The following CCDC102A variants were observed in gnomAD, a reference collection of about 807,000 sequenced individuals.
CCDC102A encodes the protein coiled-coil domain-containing protein 102A.
In CCDC102A, 40 loss-of-function variants were observed where a neutral mutation model predicts 55.5. The observed-to-expected ratio is 0.72, with a 90% confidence interval of 0.56 to 0.94. The LOEUF is 0.94. Ranked by LOEUF, CCDC102A falls within the 40% of genes least tolerant of loss-of-function variation. The pLI is 0.00. For missense variants in CCDC102A, 779 were observed against 768.6 expected, an observed-to-expected ratio of 1.01 and a Z score of -0.16; for synonymous variants, 323 against 339.0, an observed-to-expected ratio of 0.95 and a Z score of 0.52.
In CCDC102A at chr16:57,518,660, T is replaced by C. The variant is rs2031998761; in HGVS notation, c.1003A>G (p.Ser335Gly). ...AGCTCGGCCATTTTCCGGTCCATGC[T>C]GGAGCGTGCACCGAGCTCATCTTCC... is the stretch of plus-strand genomic sequence containing the variant. ...DLEDELGARS[S>G]MDRKMAELRG... Residue 335 changes from serine to glycine, a missense_variant, in exon 5 of 9, where the codon AGC becomes GGC. Coordinates refer to ENST00000258214, the MANE Select transcript of CCDC102A (RefSeq NM_033212.4). The C allele has an allele frequency of 6.2e-7, 1 of 1,613,826 alleles. No individual in the cohort carries two copies. Among genetic ancestry groups the C allele is most frequent in the Non-Finnish European group, 8.5e-7 (1 of 1,179,980 alleles).
At position 57,535,386 on chromosome 16, in the gene CCDC102A, T is replaced by G. The variant is rs752890221; in HGVS notation, c.-148+1114A>C. On this transcript the variant is annotated intron_variant, in intron 1 of 8. Coordinates refer to ENST00000258214, the MANE Select transcript of CCDC102A (RefSeq NM_033212.4). The stretch of plus-strand genomic sequence containing the variant: ...AGCCTGGATCATTGATTTGAACTCC[T>G]TTCTTTACATATGGACCAACTGAGG... 3.3e-5 allele frequency among the ~76,000 whole-genome samples: 5 copies of G among 152,108 alleles called. No homozygotes were observed. The South Asian group carries it at 6.2e-4, about 19-fold the overall frequency.
At chr16:57,524,247 G>A (rs1171024130) in intron 3 of CCDC102A, among the ~76,000 whole-genome samples, 4 of 151,960 alleles carry the variant, frequency 2.6e-5, no homozygotes, top group African/African-American at 7.3e-5. Flanking sequence ...GGAGTGGAGT[G>A]GCCAGTGCTG....
At chr16:57,536,228 G>A (rs1014494452) in intron 1 of CCDC102A, among the ~76,000 whole-genome samples, 6 of 141,192 alleles carry the variant, frequency 4.2e-5, no homozygotes, top group African/African-American at 7.7e-5. Flanking sequence ...CGTCCGGCCC[G>A]GGCCGCGGCA....
intron 3 of CCDC102A, among the ~76,000 whole-genome samples, chr16:57,522,184 C>T (rs73545036): frequency 0.052 from 7,882 of 152,292 alleles, 638 homozygotes; most frequent in African/African-American, 0.17. Context: ...CTAACATACA[C>T]TGAATTTTCT....
chr16:57,516,475 A>C lies in CCDC102A; in HGVS notation c.1249-12T>G. On this transcript the variant is annotated splice_polypyrimidine_tract_variant and intron_variant, in intron 6 of 8. Coordinates refer to ENST00000258214, the MANE Select transcript of CCDC102A (RefSeq NM_033212.4). The surrounding 1 kb of genome is among the most constrained non-coding windows in gnomAD (Gnocchi z 4.4). ...AGGTCTGCCAGCTCCTACAGGGCAC[A>C]GGGATGGGGTGGGAGGGAGGAGGGA... is the stretch of plus-strand genomic sequence containing the variant. The C allele has an allele frequency of 1.1e-4, 120 of 1,126,732 alleles. No homozygotes were observed. The highest frequency in any genetic ancestry group is 1.4e-4 in the Non-Finnish European group (111 of 781,272). The allele number at this position is 1,126,732 out of a possible 1,614,324, so 69.8% of individuals were successfully genotyped here.
chr16:57,525,602 G>A (rs1169833694), intron 3 of CCDC102A, among the ~76,000 whole-genome samples: 2 of 152,098 alleles, frequency 1.3e-5, no homozygotes, highest in East Asian at 1.9e-4. Flanking sequence ...CCTGCCCACA[G>A]CCCTCTCCCC....
chr16:57,518,511 G>A (rs1342397371), intron 5 of CCDC102A, 114 bp downstream of exon 5: 1 of 913,316 alleles, frequency 1.1e-6, no homozygotes, highest in African/African-American at 1.6e-5. Context: ...GGATGTGGCT[G>A]GCCCCGCTCA....
intron 4 of CCDC102A, among the ~76,000 whole-genome samples, chr16:57,519,006 G>A (rs2032004255): frequency 6.6e-6 from 1 of 152,134 alleles, no homozygotes; most frequent in Non-Finnish European, 1.5e-5. Flanking sequence ...CAGCCCAGAG[G>A]GAGCTTTTAA....
At chr16:57,536,263 A>G (rs572656436) in intron 1 of CCDC102A, among the ~76,000 whole-genome samples, 2 of 118,276 alleles carry the variant, frequency 1.7e-5, no homozygotes, top group Non-Finnish European at 3.7e-5. Flanking sequence ...CCCCTCCCCC[A>G]TCACCCCGCG....
intron 3 of CCDC102A, among the ~76,000 whole-genome samples, chr16:57,522,064 C>A (rs567239087): frequency 6.6e-6 from 1 of 152,254 alleles, no homozygotes; most frequent in Non-Finnish European, 1.5e-5. Flanking sequence ...AGGATGCATC[C>A]TGCATCCTAC....
chr16:57,513,374 T>A (rs537474277), intron 8 of CCDC102A, among the ~76,000 whole-genome samples: 1 of 152,322 alleles, frequency 6.6e-6, no homozygotes, highest in East Asian at 1.9e-4. Context: ...TAAGAAGAGC[T>A]GGTGAAGGAA....
At chr16:57,521,014 T>C in intron 4 of CCDC102A, 54 bp downstream of exon 4, 2 of 1,143,060 alleles carry the variant, frequency 1.7e-6, no homozygotes, top group Non-Finnish European at 2.6e-6. Context: ...CTACTGAAAT[T>C]CAACAGCGCG....
At chr16:57,530,212 C>T (rs1485424412) in intron 1 of CCDC102A, among the ~76,000 whole-genome samples, 1 of 152,158 alleles carries the variant, frequency 6.6e-6, no homozygotes, top group Non-Finnish European at 1.5e-5. Context: ...CCGCAAACAG[C>T]TCTCTTGTTC....
intron 2 of CCDC102A, among the ~76,000 whole-genome samples, chr16:57,527,057 G>A (rs1291192742): frequency 2.0e-5 from 3 of 152,168 alleles, no homozygotes; most frequent in Admixed American, 6.5e-5. Context: ...AGCATTGTGC[G>A]CAGTGAACAC....
In CCDC102A at chr16:57,512,835, C is replaced by T; in HGVS notation, c.1559G>A (p.Gly520Glu). 6.2e-7 allele frequency: 1 copy of T among 1,614,072 alleles called. No individual in the cohort carries two copies. The highest frequency in any genetic ancestry group is 8.5e-7 in the Non-Finnish European group (1 of 1,179,982). ...RRQQQNAPLF[G>E]KIRSARFGTE... ...GCCAAAGCGAGCACTGCGGATCTTC[C>T]CGAAGAGGGGAGCGTTCTGCTGCTG... Residue 520 changes from glycine to glutamate, a missense_variant, in exon 9 of 9, where the codon GGG becomes GAG. Coordinates refer to ENST00000258214, the MANE Select transcript of CCDC102A (RefSeq NM_033212.4).
rs1474058698 is a variant in CCDC102A, at chr16:57,516,922, TGTGA to T, written c.1249-463_1249-460del. On this transcript the variant is annotated intron_variant, in intron 6 of 8. Coordinates refer to ENST00000258214, the MANE Select transcript of CCDC102A (RefSeq NM_033212.4). The surrounding 1 kb of genome is among the most constrained non-coding windows in gnomAD (Gnocchi z 4.4). ...AAAAGAGATGCCCACCCTGGAGCTC[TGTGA>T]GTTCTCTAAGCCTCAGTTTCCATTT... Among the ~76,000 whole-genome samples the T allele has an allele frequency of 6.6e-6, 1 of 152,196 alleles. No individual in the cohort carries two copies. Among genetic ancestry groups the T allele is most frequent in the Non-Finnish European group, 1.5e-5 (1 of 68,030 alleles).
chr16:57,535,442 C>T (rs2032354190), intron 1 of CCDC102A, among the ~76,000 whole-genome samples: 1 of 152,190 alleles, frequency 6.6e-6, no homozygotes, highest in East Asian at 1.9e-4. Context: ...TCTGTGTCCA[C>T]ACCGCGGACC....
At position 57,529,012 on chromosome 16, in the gene CCDC102A, G is replaced by A. The variant is rs1419232872; in HGVS notation, c.166C>T (p.Pro56Ser). The change falls in exon 2 of 9, where the codon CCC becomes TCC. Residue 56 changes from proline to serine, a missense_variant. Physicochemically the swap from Pro to Ser is moderately conservative, Grantham distance 74 (BLOSUM62 -1). Coordinates refer to ENST00000258214, the MANE Select transcript of CCDC102A (RefSeq NM_033212.4). The surrounding 1 kb of genome is among the most constrained non-coding windows in gnomAD (Gnocchi z 4.1). ...TPSPGPPPALPLPPAPALLAD... is the reference protein window; with the variant it reads ...TPSPGPPPALSLPPAPALLAD... The stretch of plus-strand genomic sequence containing the variant: ...AGCAGCGCGGGCGCGGGGGGCAGGG[G>A]CAGTGCGGGCGGCGGCCCGGGCGAG... 18 of 1,107,548 alleles carry A rather than the reference G, an allele frequency of 1.6e-5. No homozygotes were observed. Among genetic ancestry groups the A allele is most frequent in the Non-Finnish European group, 1.8e-5 (16 of 907,468 alleles). The allele number at this position is 1,107,548 out of a possible 1,614,324, so 68.6% of individuals were successfully genotyped here.
At chr16:57,531,360 C>G (rs57883600) in intron 1 of CCDC102A, among the ~76,000 whole-genome samples, 7,706 of 151,990 alleles carry the variant, frequency 0.051, 572 homozygotes, top group African/African-American at 0.17. Flanking sequence ...CCTCCCCCAC[C>G]CACCGCCAAA....
Sources: allele counts gnomAD v4.1 joint callset (sites outside exome capture counted in the v4.1 genomes callset), GRCh38; gene constraint gnomAD v4.1.1; non-coding constraint Gnocchi (gnomAD v3.1); transcripts MANE v1.5; gene names NCBI Gene and HGNC (gene_info 2026-07-23, HGNC 2026-07-21).